Variants in PLB1 observed in about 807,000 individuals in gnomAD.
PLB1 encodes the protein phospholipase B1.
PLB1 carries 242 observed loss-of-function variants against 227.4 expected under a neutral mutation model. The ratio of observed to expected loss-of-function variants is 1.06; its 90% CI spans 0.96 to 1.18. PLB1 has a LOEUF of 1.18. Ranked by LOEUF, PLB1 falls within the 50% of genes most tolerant of loss-of-function variation. The pLI is 0.00. For missense variants in PLB1, 1,858 were observed against 1,816.3 expected, an observed-to-expected ratio of 1.02 and a Z score of -0.42; for synonymous variants, 757 against 682.2, an observed-to-expected ratio of 1.11 and a Z score of -1.71.
chr2:28,636,785 A>C (rs1689411161), intron 56 of PLB1, among the ~76,000 whole-genome samples: 1 of 152,196 alleles, frequency 6.6e-6, no homozygotes, highest in African/African-American at 2.4e-5. Context: ...ATAAAGTTCA[A>C]AAGCAAGCAG....
Position 28,598,673 on chromosome 2 carries a change from G to T in PLB1, c.2387G>T (p.Arg796Ile), listed in dbSNP as rs776960525. The T allele has an allele frequency of 6.2e-7, 1 of 1,614,002 alleles. No individual in the cohort carries two copies. Among genetic ancestry groups the T allele is most frequent in the Non-Finnish European group, 8.5e-7 (1 of 1,179,956 alleles). Reference protein sequence around the residue: ...TLPNILREFNRNLTGYAVGTG... With the variant: ...TLPNILREFNINLTGYAVGTG... ...CCAGATATCCTTCGGGAGTTTAACAGAAACCTCACAGGCTACGCCGTGGGC... is the reference window on the plus strand; with the variant it reads ...CCAGATATCCTTCGGGAGTTTAACATAAACCTCACAGGCTACGCCGTGGGC... The change falls in exon 35 of 58, where the codon AGA becomes ATA. Residue 796 changes from arginine to isoleucine, a missense_variant. By Grantham distance (97) the Arg-to-Ile change is moderately conservative (BLOSUM62 -3). Transcript: ENST00000327757.
intron 1 of PLB1, among the ~76,000 whole-genome samples, chr2:28,505,145 C>G (rs73922127): frequency 0.028 from 4,253 of 152,236 alleles, 204 homozygotes; most frequent in African/African-American, 0.098. Context: ...TGCTATTTTT[C>G]CCATTTTACA....
At chr2:28,601,990 G>A (rs768888477) in intron 38 of PLB1, 26 bp downstream of exon 38, 2 of 1,576,558 alleles carry the variant, frequency 1.3e-6, no homozygotes, top group Admixed American at 1.7e-5. Flanking sequence ...CCACAAGCTG[G>A]TAACAGCTCA....
intron 6 of PLB1, 64 bp downstream of exon 6, chr2:28,526,009 C>T: frequency 6.3e-7 from 1 of 1,581,934 alleles, no homozygotes; most frequent in South Asian, 1.1e-5. Flanking sequence ...CAGCAGCATC[C>T]TCTCTAATAA....
At chr2:28,553,133 C>T in intron 17 of PLB1, 142 bp downstream of exon 17, 7 of 697,384 alleles carry the variant, frequency 1.0e-5, no homozygotes, top group Non-Finnish European at 1.7e-5. Flanking sequence ...TTTGTAAAGC[C>T]ATGGCTGTGT....
At chr2:28,507,579 T>C (rs1286246244) in intron 1 of PLB1, among the ~76,000 whole-genome samples, 1 of 152,132 alleles carries the variant, frequency 6.6e-6, no homozygotes, top group Non-Finnish European at 1.5e-5. Context: ...TTCCAACATA[T>C]GAATTTTGGG....
intron 43 of PLB1, among the ~76,000 whole-genome samples, chr2:28,613,283 C>A (rs1275561698): frequency 1.3e-5 from 2 of 152,222 alleles, no homozygotes; most frequent in Admixed American, 1.3e-4. Flanking sequence ...GCTTACTACT[C>A]CACTGAGCAC....
rs146388156 is a variant in PLB1 at position 28,621,351 on chromosome 2, G to T, written c.3527+373G>T. Among the ~76,000 whole-genome samples the T allele has an allele frequency of 6.8e-4, 103 of 152,304 alleles. 1 individual carries two copies. The highest frequency in any genetic ancestry group is 2.5e-3 in the African/African-American group (103 of 41,568). On this transcript the variant is annotated intron_variant, in intron 49 of 57. Transcript: ENST00000327757. Reference sequence around the variant, plus strand: ...CTCCAGCTCCACCTCCTGCCCAGCAGGTCAAACGTGCAGGGTGGCTCTCAG... The same window carrying T: ...CTCCAGCTCCACCTCCTGCCCAGCATGTCAAACGTGCAGGGTGGCTCTCAG...
At chr2:28,633,145 A>G (rs1274070552) in intron 56 of PLB1, 106 bp downstream of exon 56, 27 of 932,690 alleles carry the variant, frequency 2.9e-5, no homozygotes. Flanking sequence ...CTTTCTCCCC[A>G]AAGCCCAAAG....
intron 46 of PLB1, 46 bp downstream of exon 46, chr2:28,618,445 C>T: frequency 6.3e-7 from 1 of 1,580,094 alleles, no homozygotes; most frequent in Non-Finnish European, 8.7e-7. Flanking sequence ...AGAGTCCAGC[C>T]AGGCCCTGCG....
At chr2:28,578,842 A>C (rs1679438469) in intron 22 of PLB1, among the ~76,000 whole-genome samples, 1 of 152,180 alleles carries the variant, frequency 6.6e-6, no homozygotes, top group South Asian at 2.1e-4. Flanking sequence ...CCTTAATGTC[A>C]AACTTTCCTG....
chr2:28,561,290 G>C (rs1358098654), intron 17 of PLB1, among the ~76,000 whole-genome samples: 2 of 148,688 alleles, frequency 1.3e-5, no homozygotes, highest in Non-Finnish European at 3.0e-5. Flanking sequence ...TGAGTTAATA[G>C]CTGCCACATC....
intron 56 of PLB1, among the ~76,000 whole-genome samples, chr2:28,639,686 G>A (rs1202409817): frequency 6.6e-6 from 1 of 152,200 alleles, no homozygotes; most frequent in African/African-American, 2.4e-5. Flanking sequence ...CTGGGTTCCT[G>A]GAATAGCATC....
chr2:28,552,056 C>G (rs902583358), intron 16 of PLB1, among the ~76,000 whole-genome samples: 22 of 152,184 alleles, frequency 1.4e-4, no homozygotes, highest in African/African-American at 3.9e-4. Context: ...CCAAGGAACT[C>G]AGTCTGGTAG....
intron 51 of PLB1, 78 bp from the exon 52 acceptor site, chr2:28,628,485 C>T: frequency 7.3e-7 from 1 of 1,361,580 alleles, no homozygotes; most frequent in Non-Finnish European, 1.1e-6. Flanking sequence ...AGCCCAGGCC[C>T]CAGAGCCCTC....
intron 14 of PLB1, among the ~76,000 whole-genome samples, chr2:28,545,440 C>A (rs1489759785): frequency 6.6e-6 from 1 of 152,106 alleles, no homozygotes; most frequent in African/African-American, 2.4e-5. Flanking sequence ...TCCTGCAGAC[C>A]CGAATTCAGC....
intron 20 of PLB1, among the ~76,000 whole-genome samples, chr2:28,569,724 G>A (rs1166930020): frequency 3.3e-5 from 5 of 152,098 alleles, no homozygotes; most frequent in Admixed American, 3.3e-4. Flanking sequence ...CCAGCACTTT[G>A]GGAGGCCGAG....
chr2:28,642,347 A>AAG (rs1483765350), intron 57 of PLB1, among the ~76,000 whole-genome samples: 1 of 152,190 alleles, frequency 6.6e-6, no homozygotes, highest in Non-Finnish European at 1.5e-5. Flanking sequence ...CACTGAGAGG[A>AAG]GAGTGGAGAG....
chr2:28,553,013 A>G, intron 17 of PLB1, 22 bp downstream of exon 17: 1 of 1,604,896 alleles, frequency 6.2e-7, no homozygotes. Flanking sequence ...GCACCCAGTG[A>G]TTTTAAAATT....
Sources: allele counts gnomAD v4.1 joint callset (sites outside exome capture counted in the v4.1 genomes callset), GRCh38; gene constraint gnomAD v4.1.1; transcripts MANE v1.5; gene names NCBI Gene and HGNC (gene_info 2026-07-23, HGNC 2026-07-21).